STK3: variants seen among roughly 807,000 people sequenced by gnomAD.
STK3 encodes serine/threonine kinase 3.
In STK3, 41 loss-of-function variants were observed where a neutral mutation model predicts 58.0. The observed-to-expected ratio is 0.71, with a 90% confidence interval of 0.55 to 0.92. The LOEUF (loss-of-function observed/expected upper bound fraction) is 0.92. STK3 is among the 40% of genes least tolerant of loss of function. The pLI, the probability that STK3 is intolerant of heterozygous loss-of-function variation, is 0.00. For synonymous variants in STK3, 170 were observed against 191.0 expected (o/e 0.89, Z 0.91); for missense variants, 479 against 602.7 (o/e 0.79, Z 2.15).
At chr8:98,587,797 A>G (rs1358364373) in intron 7 of STK3, among the ~76,000 whole-genome samples, 2 of 152,102 alleles carry the variant, frequency 1.3e-5, no homozygotes, top group Admixed American at 6.5e-5. Context: ...TTGGGTGCAT[A>G]TATATTTAGT....
At chr8:98,492,343 TAA>T (rs1295835437) in intron 10 of STK3, among the ~76,000 whole-genome samples, 2 of 152,200 alleles carry the variant, frequency 1.3e-5, no homozygotes, top group East Asian at 1.9e-4. Flanking sequence ...AGGCAGGATT[TAA>T]AGAGTTTTAA....
At chr8:98,813,892 C>A (rs1179833750) in intron 1 of STK3, among the ~76,000 whole-genome samples, 1 of 152,048 alleles carries the variant, frequency 6.6e-6, no homozygotes, top group Non-Finnish European at 1.5e-5. Flanking sequence ...TGAAAATTCC[C>A]TAACATATTC....
At chr8:98,789,972 G>A (rs1832703821) in intron 1 of STK3, among the ~76,000 whole-genome samples, 1 of 147,610 alleles carries the variant, frequency 6.8e-6, no homozygotes, top group Non-Finnish European at 1.5e-5. Flanking sequence ...AGGTTGCAAT[G>A]AGGCGAAATC....
chr8:98,740,430 G>T (rs927230137), intron 4 of STK3, among the ~76,000 whole-genome samples: 3 of 152,096 alleles, frequency 2.0e-5, no homozygotes, highest in African/African-American at 4.8e-5. Flanking sequence ...AGACAGTGGG[G>T]GCCAATATTC....
intron 3 of STK3, among the ~76,000 whole-genome samples, chr8:98,411,658 C>T (rs1818058686): frequency 6.6e-6 from 1 of 152,194 alleles, no homozygotes; most frequent in East Asian, 1.9e-4. Context: ...TTTCTTGCCA[C>T]AAATAAAACA....
intron 4 of STK3, among the ~76,000 whole-genome samples, chr8:98,741,676 A>G (rs1368359634): frequency 1.3e-5 from 2 of 152,188 alleles, no homozygotes; most frequent in South Asian, 2.1e-4. Context: ...TAACATCACA[A>G]TTAAAAGAAC....
intron 1 of STK3, chr8:98,778,810 C>G (rs1421558914): frequency 6.6e-6 from 1 of 152,060 alleles, no homozygotes; most frequent in African/African-American, 2.4e-5. Context: ...TGTTCTCACT[C>G]ATAGGTGGGA....
intron 1 of STK3, chr8:98,921,142 T>G (rs1839543114): frequency 6.6e-6 from 1 of 152,148 alleles, no homozygotes; most frequent in Non-Finnish European, 1.5e-5. Context: ...TCACAATATT[T>G]TAGTGTAATT....
chr8:98,550,444 T>A (rs1205645599), intron 8 of STK3, among the ~76,000 whole-genome samples: 1 of 152,150 alleles, frequency 6.6e-6, no homozygotes, highest in East Asian at 1.9e-4. Flanking sequence ...ATTTCATTTA[T>A]CTCTCCAGTC....
intron 4 of STK3, among the ~76,000 whole-genome samples, chr8:98,714,684 T>A (rs1285576108): frequency 6.6e-6 from 1 of 152,130 alleles, no homozygotes; most frequent in East Asian, 1.9e-4. Context: ...GAAGAATCAA[T>A]ATCGTGAAAA....
At chr8:98,708,000 G>C (rs1439058821) in intron 4 of STK3, among the ~76,000 whole-genome samples, 1 of 151,900 alleles carries the variant, frequency 6.6e-6, no homozygotes, top group African/African-American at 2.4e-5. Context: ...TTAGCCAGGC[G>C]TGATGGCGTG....
chr8:98,923,115 A>G (rs2132014554), intron 1 of STK3, among the ~76,000 whole-genome samples: 1 of 152,374 alleles, frequency 6.6e-6, no homozygotes, highest in East Asian at 1.9e-4. Flanking sequence ...AGCCTTGATC[A>G]AATGGAAAGG....
At chr8:98,884,347 T>C (rs1057407944) in intron 1 of STK3, among the ~76,000 whole-genome samples, 4 of 152,220 alleles carry the variant, frequency 2.6e-5, no homozygotes, top group Non-Finnish European at 5.9e-5. Context: ...AATCTTCATT[T>C]TAATTTTTTT....
chr8:98,620,547 A>T (rs760877645), intron 6 of STK3, among the ~76,000 whole-genome samples: 11 of 150,968 alleles, frequency 7.3e-5, no homozygotes, highest in East Asian at 1.9e-4. Flanking sequence ...AAGGGAAATT[A>T]AAAAAAATAC....
intron 1 of STK3, among the ~76,000 whole-genome samples, chr8:98,908,860 A>AAG (rs1839022103): frequency 6.7e-6 from 1 of 149,692 alleles, no homozygotes; most frequent in African/African-American, 2.5e-5. Flanking sequence ...AAAAAAAAAA[A>AAG]AAAAGAAAAA....
intron 10 of STK3, among the ~76,000 whole-genome samples, chr8:98,466,080 A>G (rs917727810): frequency 5.3e-5 from 8 of 152,278 alleles, no homozygotes; most frequent in African/African-American, 1.9e-4. Context: ...ATTACCTTTG[A>G]TTTCTTATCT....
At chr8:98,391,672 T>C (rs1438629777), upstream of STK3, among the ~76,000 whole-genome samples, 1 of 152,214 alleles carries the variant, frequency 6.6e-6, no homozygotes, top group African/African-American at 2.4e-5. Context: ...AATCTGCCTA[T>C]TACTATTTGC....
chr8:98,710,260 G>C (rs1409276531), intron 4 of STK3, among the ~76,000 whole-genome samples: 1 of 152,146 alleles, frequency 6.6e-6, no homozygotes, highest in Admixed American at 6.5e-5. Context: ...TGAGGTACCA[G>C]ATTCATCTCA....
chr8:98,780,852 A>C (rs576437018), intron 1 of STK3, among the ~76,000 whole-genome samples: 1 of 152,346 alleles, frequency 6.6e-6, no homozygotes, highest in East Asian at 1.9e-4. Context: ...CTAAGAAAAA[A>C]TAAGAGTCAA....
Sources: allele counts gnomAD v4.1 joint callset (sites outside exome capture counted in the v4.1 genomes callset), GRCh38; gene constraint gnomAD v4.1.1; transcripts MANE v1.5; gene names NCBI Gene and HGNC (gene_info 2026-07-23, HGNC 2026-07-21).